RSU1: variants seen among roughly 807,000 people sequenced by gnomAD.
RSU1 encodes the protein Ras suppressor protein 1.
In RSU1, 26 loss-of-function variants were observed where a neutral mutation model predicts 31.1. The ratio of observed to expected loss-of-function variants is 0.84; its 90% CI spans 0.61 to 1.16. RSU1 has a LOEUF of 1.16. Among genes scored for constraint, RSU1 ranks in the 50% most tolerant of loss-of-function variants. The pLI, the probability that RSU1 is intolerant of heterozygous loss-of-function variation, is 0.00. For missense variants in RSU1, 320 were observed against 339.1 expected (o/e 0.94, Z 0.44); for synonymous variants, 164 against 136.3 (o/e 1.20, Z -1.41).
intron 8 of RSU1, among the ~76,000 whole-genome samples, chr10:16,660,643 C>CACTTTT (rs1834870424): frequency 2.1e-5 from 1 of 47,576 alleles, no homozygotes; most frequent in African/African-American, 1.3e-4. Flanking sequence ...TTCTTGAACT[C>CACTTTT]TCTTTTTTTT....
At chr10:16,692,038 G>A (rs1835566253) in intron 8 of RSU1, among the ~76,000 whole-genome samples, 2 of 152,166 alleles carry the variant, frequency 1.3e-5, no homozygotes, top group African/African-American at 2.4e-5. Context: ...GATCATAGGC[G>A]TGAGCCACCG....
chr10:16,640,877 G>A (rs1834428790), intron 8 of RSU1, among the ~76,000 whole-genome samples: 1 of 152,146 alleles, frequency 6.6e-6, no homozygotes, highest in African/African-American at 2.4e-5. Flanking sequence ...CTTAGCCAAG[G>A]GCCTGTCATA....
chr10:16,674,715 A>C (rs1244761589), intron 8 of RSU1, among the ~76,000 whole-genome samples: 2 of 152,186 alleles, frequency 1.3e-5, no homozygotes, highest in Non-Finnish European at 2.9e-5. Context: ...GAATGAGATA[A>C]GACAGCAAGC....
At chr10:16,614,451 T>C (rs1468686864) in intron 8 of RSU1, among the ~76,000 whole-genome samples, 2 of 152,002 alleles carry the variant, frequency 1.3e-5, no homozygotes, top group African/African-American at 2.4e-5. Context: ...TGAGGCACTA[T>C]AGTCCCCCCA....
intron 5 of RSU1, among the ~76,000 whole-genome samples, chr10:16,754,319 A>C (rs891890116): frequency 6.6e-6 from 1 of 152,176 alleles, no homozygotes; most frequent in Non-Finnish European, 1.5e-5. Context: ...ATTTGTTTGC[A>C]TATGAAAGAA....
intron 8 of RSU1, among the ~76,000 whole-genome samples, chr10:16,617,567 T>G (rs144408639): frequency 0.028 from 4,318 of 152,230 alleles, 80 homozygotes; most frequent in Non-Finnish European, 0.043. Flanking sequence ...GGAGGCATCA[T>G]GCTACCTGAC....
intron 7 of RSU1, among the ~76,000 whole-genome samples, chr10:16,724,224 T>A (rs527307825): frequency 6.6e-6 from 1 of 152,314 alleles, no homozygotes; most frequent in Middle Eastern, 3.4e-3. Flanking sequence ...ATTACAGGCA[T>A]GAGCCACCGG....
chr10:16,617,704 T>G (rs1290551872), intron 8 of RSU1, among the ~76,000 whole-genome samples: 1 of 152,184 alleles, frequency 6.6e-6, no homozygotes, highest in Admixed American at 6.5e-5. Context: ...CCATCTGACC[T>G]TCGACAAACC....
chr10:16,783,985 G>T (rs1281130482), intron 2 of RSU1, among the ~76,000 whole-genome samples: 4 of 152,148 alleles, frequency 2.6e-5, no homozygotes. Context: ...GGTCTTTGTC[G>T]TCTCCTCTAA....
intron 2 of RSU1, among the ~76,000 whole-genome samples, chr10:16,805,001 C>T (rs1212196444): frequency 3.3e-5 from 5 of 152,116 alleles, no homozygotes; most frequent in Non-Finnish European, 7.3e-5. Flanking sequence ...AATGCATCAA[C>T]AGCCTGGCTA....
intron 2 of RSU1, among the ~76,000 whole-genome samples, chr10:16,792,461 G>A (rs3780965): frequency 0.043 from 6,571 of 152,178 alleles, 298 homozygotes; most frequent in East Asian, 0.14. Flanking sequence ...TCGAACTCCC[G>A]ACCTCGTGAT....
At chr10:16,667,850 C>G (rs1038681473) in intron 8 of RSU1, among the ~76,000 whole-genome samples, 9 of 152,258 alleles carry the variant, frequency 5.9e-5, no homozygotes, top group Admixed American at 5.9e-4. Context: ...TGCCAGATAT[C>G]AGGTACTTAG....
chr10:16,773,727 G>T (rs558713496), intron 3 of RSU1, among the ~76,000 whole-genome samples: 1 of 152,264 alleles, frequency 6.6e-6, no homozygotes, highest in East Asian at 1.9e-4. Context: ...TGTTGTTCTT[G>T]ATGGTCCCAC....
At chr10:16,721,116 C>T (rs372610685) in intron 7 of RSU1, among the ~76,000 whole-genome samples, 3 of 152,098 alleles carry the variant, frequency 2.0e-5, no homozygotes, top group Non-Finnish European at 4.4e-5. Flanking sequence ...ATAACTTGTC[C>T]GTCAGGTGCT....
rs934555000 is a variant in RSU1 at position 16,736,850 on chromosome 10, A to G, written c.598+15689T>C. Among the ~76,000 whole-genome samples the G allele has an allele frequency of 1.5e-4, 23 of 152,270 alleles. No homozygotes were observed. In the Middle Eastern group the frequency reaches 0.01, roughly 68 times the overall value. Reference sequence around the variant, plus strand: ...AGTATCTAAATTGAGAAATGAAATTATAAAAAGAGCTATACCTTGCATACA... The same window carrying G: ...AGTATCTAAATTGAGAAATGAAATTGTAAAAAGAGCTATACCTTGCATACA... On this transcript the variant is annotated intron_variant, in intron 7 of 8. Coordinates refer to ENST00000345264, the MANE Select transcript of RSU1 (RefSeq NM_012425.4).
chr10:16,778,492 AAT>A (rs1837584578), intron 3 of RSU1, among the ~76,000 whole-genome samples: 1 of 152,210 alleles, frequency 6.6e-6, no homozygotes, highest in South Asian at 2.1e-4. Context: ...ATTCAGGAAG[AAT>A]ATGAAATGAT....
chr10:16,803,937 T>A lies in RSU1; in HGVS notation c.109+13036A>T, dbSNP rs560767056. Among the ~76,000 whole-genome samples the A allele has an allele frequency of 5.5e-4, 83 of 152,280 alleles. 3 individuals are homozygous for A. The South Asian group carries it at 0.017, about 30-fold the overall frequency. ...TGAGATTTGGCAATGACTTCTTAGATACAATACCAAAGGCACAACTTACGA... is the reference window on the plus strand; with the variant it reads ...TGAGATTTGGCAATGACTTCTTAGAAACAATACCAAAGGCACAACTTACGA... On this transcript the variant is annotated intron_variant, in intron 2 of 8. Transcript: ENST00000345264.
intron 2 of RSU1, among the ~76,000 whole-genome samples, chr10:16,793,284 A>G (rs902685251): frequency 6.6e-6 from 1 of 152,188 alleles, no homozygotes; most frequent in African/African-American, 2.4e-5. Flanking sequence ...GAATTCTACT[A>G]TTTATAGATA....
intron 8 of RSU1, among the ~76,000 whole-genome samples, chr10:16,667,044 C>T (rs540525112): frequency 1.3e-5 from 2 of 151,690 alleles, no homozygotes; most frequent in South Asian, 2.1e-4. Context: ...ACAACAACAA[C>T]AACAACAACA....
Sources: allele counts gnomAD v4.1 joint callset (sites outside exome capture counted in the v4.1 genomes callset), GRCh38; gene constraint gnomAD v4.1.1; transcripts MANE v1.5; gene names NCBI Gene and HGNC (gene_info 2026-07-23, HGNC 2026-07-21).